The following LRP1B variants were observed in gnomAD, a reference collection of about 807,000 sequenced individuals.
LRP1B encodes the protein LDL receptor related protein 1B.
LRP1B carries 217 observed loss-of-function variants against 556.6 expected under a neutral mutation model. The observed-to-expected ratio is 0.39, with a 90% CI of 0.35 to 0.44. The LOEUF is 0.44. Ranked by LOEUF, LRP1B falls within the 20% of genes least tolerant of loss-of-function variation. LRP1B has a pLI of 1.00. For synonymous variants in LRP1B, 2,047 were observed against 1,865.8 expected, an observed-to-expected ratio of 1.10 and a Z score of -2.50; for missense variants, 5,053 against 5,620.8, an observed-to-expected ratio of 0.90 and a Z score of 3.23.
chr2:140,732,979 T>C (rs1338916608), intron 35 of LRP1B, among the ~76,000 whole-genome samples: 2 of 152,118 alleles, frequency 1.3e-5, no homozygotes, highest in African/African-American at 2.4e-5. Context: ...AGTAGAGATA[T>C]AACAATTCTC....
chr2:141,497,510 G>C (rs1683550129), intron 2 of LRP1B, among the ~76,000 whole-genome samples: 1 of 152,126 alleles, frequency 6.6e-6, no homozygotes, highest in South Asian at 2.1e-4. Context: ...GGAAGTACCG[G>C]GTTTTTTCTC....
At chr2:140,362,894 G>T (rs765695125) in intron 72 of LRP1B, among the ~76,000 whole-genome samples, 6 of 151,424 alleles carry the variant, frequency 4.0e-5, no homozygotes, top group Non-Finnish European at 8.9e-5. Context: ...GTGAGGTGAG[G>T]GTTCGTGTTC....
rs1477226287 is a variant in LRP1B at position 141,964,902 on chromosome 2, A to G, written c.83-154501T>C. ...ATGAACTCAAACAAATTTACAAGAA[A>G]AAAACAAACAACCCCATCAAAAAGT... On this transcript the variant is annotated intron_variant, in intron 1 of 90. Coordinates refer to ENST00000389484, the MANE Select transcript of LRP1B (RefSeq NM_018557.3). Among the ~76,000 whole-genome samples the G allele has an allele frequency of 2.0e-5, 3 of 150,550 alleles. 1 individual carries two copies. The highest frequency in any genetic ancestry group is 4.2e-4 in the South Asian group (2 of 4,786).
At chr2:140,827,234 C>T (rs887590510) in intron 31 of LRP1B, among the ~76,000 whole-genome samples, 3 of 152,004 alleles carry the variant, frequency 2.0e-5, no homozygotes, top group Admixed American at 1.3e-4. Flanking sequence ...GAAACTACAG[C>T]AAACAGGGAA....
chr2:140,409,006 T>A (rs1684861432), intron 66 of LRP1B, among the ~76,000 whole-genome samples: 2 of 152,116 alleles, frequency 1.3e-5, no homozygotes, highest in South Asian at 2.1e-4. Flanking sequence ...GCTAGTTCTC[T>A]TCCTCTGAAA....
intron 7 of LRP1B, among the ~76,000 whole-genome samples, chr2:141,130,037 C>T (rs1157539888): frequency 1.5e-4 from 23 of 151,780 alleles, no homozygotes; most frequent in Non-Finnish European, 1.8e-4. Context: ...ACAAAAAAGC[C>T]ATTAAAGTAC....
At chr2:141,775,853 T>A (rs2105625924) in intron 2 of LRP1B, among the ~76,000 whole-genome samples, 1 of 151,530 alleles carries the variant, frequency 6.6e-6, no homozygotes, top group Admixed American at 6.6e-5. Flanking sequence ...TTTTTTTTTT[T>A]TTTTTCTGAG....
intron 2 of LRP1B, among the ~76,000 whole-genome samples, chr2:141,797,384 G>C (rs1399086363): frequency 6.6e-6 from 1 of 151,522 alleles, no homozygotes; most frequent in Non-Finnish European, 1.5e-5. Context: ...CAGAGTATTT[G>C]TTCCTTGAAA....
chr2:140,657,101 G>A (rs1464642423), intron 41 of LRP1B, among the ~76,000 whole-genome samples: 1 of 151,850 alleles, frequency 6.6e-6, no homozygotes, highest in Non-Finnish European at 1.5e-5. Context: ...GTACTGATAG[G>A]CATTTATGCC....
At chr2:140,435,557 A>C (rs13023944) in intron 66 of LRP1B, among the ~76,000 whole-genome samples, 47,348 of 151,878 alleles carry the variant, frequency 0.31, 7,880 homozygotes, top group Non-Finnish European at 0.34. Flanking sequence ...TTTGCTACCT[A>C]TCAATCCAGA....
At chr2:140,388,765 G>A (rs1335420432) in intron 66 of LRP1B, among the ~76,000 whole-genome samples, 3 of 152,138 alleles carry the variant, frequency 2.0e-5, no homozygotes, top group Non-Finnish European at 2.9e-5. Context: ...GTATGAGTAA[G>A]GCCTAAAACA....
chr2:140,275,464 A>G (rs1682630197), intron 84 of LRP1B, among the ~76,000 whole-genome samples: 1 of 151,942 alleles, frequency 6.6e-6, no homozygotes, highest in South Asian at 2.1e-4. Flanking sequence ...GACGGTCTCA[A>G]GTAGTCAAAG....
intron 68 of LRP1B, 138 bp downstream of exon 68, chr2:140,378,042 G>T (rs1372760888): frequency 1.6e-6 from 1 of 614,110 alleles, no homozygotes; most frequent in Non-Finnish European, 2.9e-6. Flanking sequence ...CACAGCACAT[G>T]GATATAATAC....
intron 83 of LRP1B, among the ~76,000 whole-genome samples, chr2:140,314,645 C>A (rs1684442912): frequency 6.6e-6 from 1 of 151,992 alleles, no homozygotes; most frequent in South Asian, 2.1e-4. Context: ...ACATAGTAAG[C>A]TTGGAAAATT....
chr2:141,114,493 T>C (rs1288524919), intron 7 of LRP1B, among the ~76,000 whole-genome samples: 2 of 152,120 alleles, frequency 1.3e-5, no homozygotes, highest in African/African-American at 2.4e-5. Flanking sequence ...AATTTGGCCT[T>C]TCATGGCTGA....
At chr2:141,219,399 C>T (rs1208998274) in intron 6 of LRP1B, among the ~76,000 whole-genome samples, 5 of 152,214 alleles carry the variant, frequency 3.3e-5, no homozygotes, top group African/African-American at 1.2e-4. Flanking sequence ...GGCCTCCCTG[C>T]AGGAATTGCT....
At chr2:141,087,952 TTAAG>T (rs1413680223) in intron 7 of LRP1B, among the ~76,000 whole-genome samples, 1 of 152,170 alleles carries the variant, frequency 6.6e-6, no homozygotes, top group African/African-American at 2.4e-5. Flanking sequence ...CTAGAAGAAA[TTAAG>T]TGATTTGTCC....
chr2:141,785,238 A>G (rs1348562688), intron 2 of LRP1B, among the ~76,000 whole-genome samples: 1 of 151,970 alleles, frequency 6.6e-6, no homozygotes, highest in Non-Finnish European at 1.5e-5. Context: ...TGGCAATATC[A>G]TGAAACAGAG....
At chr2:141,492,153 G>A (rs1683360947) in intron 2 of LRP1B, among the ~76,000 whole-genome samples, 2 of 138,882 alleles carry the variant, frequency 1.4e-5, no homozygotes, top group African/African-American at 5.5e-5. Context: ...TAAACACAAT[G>A]TCTCTGTCCT....
Sources: gnomAD v4.1 joint callset for allele counts (sites outside exome capture counted in the v4.1 genomes callset) on GRCh38, gnomAD v4.1.1 for gene constraint, MANE v1.5 for transcripts, NCBI Gene and HGNC (gene_info 2026-07-23, HGNC 2026-07-21) for gene names.